The following NTN1 variants were observed in gnomAD, a reference collection of about 807,000 sequenced individuals.
The protein encoded by NTN1 is netrin 1.
Under a neutral mutation model 54.2 loss-of-function variants are expected in NTN1, and 11 were observed. The observed-to-expected ratio is 0.20, with a 90% CI of 0.13 to 0.34. The LOEUF (loss-of-function observed/expected upper bound fraction) is 0.34. Ranked by LOEUF, NTN1 falls within the 10% of genes least tolerant of loss-of-function variation. The pLI, the probability that NTN1 is intolerant of heterozygous loss-of-function variation, is 1.00. For synonymous variants in NTN1, 371 were observed against 382.0 expected (o/e 0.97, Z 0.33); for missense variants, 740 against 893.1 (o/e 0.83, Z 2.18).
At chr17:9,143,413 T>G (rs1047532693) in intron 2 of NTN1, among the ~76,000 whole-genome samples, 3 of 152,188 alleles carry the variant, frequency 2.0e-5, no homozygotes, top group Non-Finnish European at 4.4e-5. Flanking sequence ...TTTATTTGCC[T>G]GCAACAGGGG....
At chr17:9,046,709 C>A (rs1413307413) in intron 2 of NTN1, among the ~76,000 whole-genome samples, 1 of 152,068 alleles carries the variant, frequency 6.6e-6, no homozygotes, top group East Asian at 1.9e-4. Flanking sequence ...ATCGCTTGAG[C>A]CCAGGAGGTC....
At chr17:9,033,746 C>T (rs920636428) in intron 2 of NTN1, among the ~76,000 whole-genome samples, 4 of 151,910 alleles carry the variant, frequency 2.6e-5, no homozygotes, top group African/African-American at 9.7e-5. Flanking sequence ...GGAGAAACCC[C>T]GTCTCTACTA....
chr17:9,231,346 CTT>C (rs1905804466), intron 6 of NTN1, among the ~76,000 whole-genome samples: 1 of 152,226 alleles, frequency 6.6e-6, no homozygotes, highest in Non-Finnish European at 1.5e-5. Flanking sequence ...TGGGGGGCAT[CTT>C]TGCAAGCCCT....
chr17:9,225,270 T>A (rs1905497489), intron 6 of NTN1, among the ~76,000 whole-genome samples: 1 of 146,928 alleles, frequency 6.8e-6, no homozygotes, highest in Non-Finnish European at 1.5e-5. Flanking sequence ...AAAAAATAAA[T>A]AAAAAGTTGG....
chr17:9,076,417 G>T (rs2142220360), intron 2 of NTN1, among the ~76,000 whole-genome samples: 1 of 152,246 alleles, frequency 6.6e-6, no homozygotes, highest in South Asian at 2.1e-4. Flanking sequence ...CTGTCATCCA[G>T]GCTGGAGTGC....
chr17:9,042,120 T>C (rs1226851185), intron 2 of NTN1, among the ~76,000 whole-genome samples: 1 of 152,036 alleles, frequency 6.6e-6, no homozygotes, highest in Non-Finnish European at 1.5e-5. Context: ...CAGCAACATA[T>C]GGGGATCCTA....
intron 5 of NTN1, among the ~76,000 whole-genome samples, chr17:9,199,071 G>C (rs1904712677): frequency 6.6e-6 from 1 of 152,162 alleles, no homozygotes; most frequent in Admixed American, 6.5e-5. Flanking sequence ...ACCCTGTATT[G>C]GTCAGGGAAG....
chr17:9,090,591 G>A (rs1252941031), intron 2 of NTN1, among the ~76,000 whole-genome samples: 1 of 152,044 alleles, frequency 6.6e-6, no homozygotes, highest in Admixed American at 6.6e-5. Flanking sequence ...TACAGATGCC[G>A]GTTTATAAAG....
intron 3 of NTN1, among the ~76,000 whole-genome samples, chr17:9,163,427 G>A (rs987682568): frequency 3.2e-5 from 4 of 123,678 alleles, no homozygotes; most frequent in South Asian, 2.6e-4. Context: ...CCAAATGCAC[G>A]CAGACTCACT....
intron 2 of NTN1, among the ~76,000 whole-genome samples, chr17:9,054,339 C>T (rs1002336344): frequency 3.3e-5 from 5 of 152,196 alleles, no homozygotes; most frequent in Non-Finnish European, 5.9e-5. Flanking sequence ...CATGGAAACA[C>T]GAGAGCCCGC....
chr17:9,031,131 T>G (rs984719144), intron 2 of NTN1, among the ~76,000 whole-genome samples: 13 of 152,198 alleles, frequency 8.5e-5, no homozygotes. Context: ...ACTCCACACT[T>G]AATTGAGACA....
intron 2 of NTN1, among the ~76,000 whole-genome samples, chr17:9,112,313 CT>C (rs1247642410): frequency 5.9e-5 from 9 of 152,170 alleles, no homozygotes; most frequent in African/African-American, 2.2e-4. Context: ...AATACTATTC[CT>C]TTCCTTCACC....
chr17:9,197,309 C>T (rs1364458290), intron 5 of NTN1, among the ~76,000 whole-genome samples: 2 of 152,030 alleles, frequency 1.3e-5, no homozygotes, highest in Non-Finnish European at 2.9e-5. Flanking sequence ...AAGCAGGAAG[C>T]TATGGAGTGA....
At chr17:9,225,953 G>A (rs1244170320) in intron 6 of NTN1, among the ~76,000 whole-genome samples, 2 of 152,300 alleles carry the variant, frequency 1.3e-5, no homozygotes, top group Middle Eastern at 3.4e-3. Context: ...CCTTGCCCTC[G>A]TGTGGCTGAA....
chr17:9,185,522 T>C (rs1419190128), intron 5 of NTN1, among the ~76,000 whole-genome samples: 1 of 152,152 alleles, frequency 6.6e-6, no homozygotes, highest in Non-Finnish European at 1.5e-5. Flanking sequence ...GGGAATGTTC[T>C]TTACCTGCTC....
chr17:9,024,907 C>T (rs767278668), intron 2 of NTN1, among the ~76,000 whole-genome samples: 4 of 152,178 alleles, frequency 2.6e-5, no homozygotes, highest in Non-Finnish European at 5.9e-5. Context: ...GAATAAAATT[C>T]CTTTGATCTG....
At chr17:9,182,848 G>A in intron 4 of NTN1, 68 bp from the exon 5 acceptor site, 1 of 1,540,740 alleles carries the variant, frequency 6.5e-7, no homozygotes, top group Non-Finnish European at 9.0e-7. Context: ...TCATTCTAAA[G>A]TCAAAAAATC....
chr17:9,236,873 T>TG (rs1165969194), intron 6 of NTN1, among the ~76,000 whole-genome samples: 1 of 152,164 alleles, frequency 6.6e-6, no homozygotes, highest in African/African-American at 2.4e-5. Context: ...CATTCACTGA[T>TG]GGGGGAAAGC....
intron 5 of NTN1, among the ~76,000 whole-genome samples, chr17:9,191,601 A>G (rs1904459441): frequency 6.6e-6 from 1 of 152,234 alleles, no homozygotes; most frequent in African/African-American, 2.4e-5. Flanking sequence ...TTACAGTTCA[A>G]TAAGAGAGAT....
Sources: allele counts gnomAD v4.1 joint callset (sites outside exome capture counted in the v4.1 genomes callset), GRCh38; gene constraint gnomAD v4.1.1; transcripts MANE v1.5; gene names NCBI Gene and HGNC (gene_info 2026-07-23, HGNC 2026-07-21).